Variants in DENND4C observed in about 807,000 individuals in gnomAD.
DENND4C encodes DENN domain containing 4C.
Under a neutral mutation model 203.0 loss-of-function variants are expected in DENND4C, and 108 were observed. The ratio of observed to expected loss-of-function variants is 0.53; its 90% CI spans 0.46 to 0.62. The LOEUF is 0.62. DENND4C is among the 20% of genes least tolerant of loss of function. The pLI, the probability that DENND4C is intolerant of heterozygous loss-of-function variation, is 0.00. For missense variants in DENND4C, 2,481 were observed against 2,301.2 expected, an observed-to-expected ratio of 1.08 and a Z score of -1.60; for synonymous variants, 871 against 792.4, an observed-to-expected ratio of 1.10 and a Z score of -1.67.
At chr9:19,291,031 A>G (rs995815982) in intron 5 of DENND4C, among the ~76,000 whole-genome samples, 155 bp downstream of exon 5, 1 of 152,178 alleles carries the variant, frequency 6.6e-6, no homozygotes, top group Non-Finnish European at 1.5e-5. Flanking sequence ...AATCAACATG[A>G]AAATTGCTAT....
In DENND4C at chr9:19,277,415, T is replaced by C. The variant is rs1008641624; in HGVS notation, c.305+936T>C. Among the ~76,000 whole-genome samples the C allele has an allele frequency of 3.9e-5, 6 of 152,310 alleles. No individual in the cohort carries two copies. The East Asian group carries it at 1.2e-3, about 29-fold the overall frequency. ...CTGATTAATTTTATTTCTAGGTATT[T>C]TATTCTTTTGGATTCTATTATAAAT... is the stretch of plus-strand genomic sequence containing the variant. On this transcript the variant is annotated intron_variant, in intron 2 of 32. Coordinates refer to ENST00000434457, the MANE Select transcript of DENND4C (RefSeq NM_001330640.2).
chr9:19,263,221 GA>G (rs1335035601), intron 1 of DENND4C, among the ~76,000 whole-genome samples: 1 of 152,090 alleles, frequency 6.6e-6, no homozygotes, highest in Non-Finnish European at 1.5e-5. Flanking sequence ...TTATTCTGTT[GA>G]TAGGCTGTAT....
At chr9:19,298,877 C>T (rs775732556) in intron 7 of DENND4C, among the ~76,000 whole-genome samples, 2 of 152,102 alleles carry the variant, frequency 1.3e-5, no homozygotes, top group African/African-American at 2.4e-5. Flanking sequence ...CAAGTATTTA[C>T]GTGCCAAGCA....
intron 1 of DENND4C, among the ~76,000 whole-genome samples, chr9:19,262,076 C>CTTTTTTT (rs60223074): frequency 9.0e-5 from 5 of 55,526 alleles, no homozygotes; most frequent in Admixed American, 3.0e-4. Context: ...TTTATTAGTT[C>CTTTTTTT]TTTTTTTTTT....
intron 12 of DENND4C, among the ~76,000 whole-genome samples, chr9:19,322,519 T>C (rs1843045303): frequency 6.6e-6 from 1 of 151,716 alleles, no homozygotes. Context: ...CCCCGCACTT[T>C]CGGAGGCCGA....
chr9:19,340,968 G>GT (rs1821492810), intron 20 of DENND4C, 24 bp from the exon 21 acceptor site: 1 of 1,566,530 alleles, frequency 6.4e-7, no homozygotes, highest in South Asian at 1.2e-5. Context: ...ACATTTATAT[G>GT]TAAGTCTGCA....
chr9:19,288,377 C>G (rs531268740), intron 3 of DENND4C, among the ~76,000 whole-genome samples: 1 of 152,160 alleles, frequency 6.6e-6, no homozygotes, highest in Non-Finnish European at 1.5e-5. Flanking sequence ...TTTGAAATGG[C>G]CTTCATATCA....
intron 22 of DENND4C, among the ~76,000 whole-genome samples, chr9:19,345,509 A>G (rs544595311): frequency 3.9e-5 from 6 of 152,266 alleles, no homozygotes; most frequent in Admixed American, 2.0e-4. Flanking sequence ...TGAGTATAGC[A>G]AATATACAAT....
At chr9:19,349,695 GTAA>G (rs1193903100) in intron 23 of DENND4C, among the ~76,000 whole-genome samples, 1 of 152,192 alleles carries the variant, frequency 6.6e-6, no homozygotes, top group Non-Finnish European at 1.5e-5. Flanking sequence ...ATTTACCAAT[GTAA>G]TTTATATAAG....
Position 19,328,125 on chromosome 9 carries a change from CAA to C in DENND4C, c.2218_2219del (p.Lys740GlufsTer7), listed in dbSNP as rs755600348. 2 of 1,613,242 alleles carry C rather than the reference CAA, an allele frequency of 1.2e-6. No individual in the cohort carries two copies. The highest frequency in any genetic ancestry group is 2.7e-5 in the African/African-American group (2 of 74,840). On this transcript the variant is annotated frameshift_variant, in exon 16 of 33. Coordinates refer to ENST00000434457, the MANE Select transcript of DENND4C (RefSeq NM_001330640.2). LOFTEE classifies it high-confidence loss of function. ...AGACACCCTACTGGGAATAGCATTACAAAGAGTCCACCTCTCATGGCTAAGAG... is the reference window on the plus strand; with the variant it reads ...AGACACCCTACTGGGAATAGCATTACAGAGTCCACCTCTCATGGCTAAGAG...
In DENND4C at chr9:19,320,224, A is replaced by T. The variant is rs530624751; in HGVS notation, c.1807+3385A>T. On this transcript the variant is annotated intron_variant, in intron 12 of 32. Transcript: ENST00000434457. The stretch of plus-strand genomic sequence containing the variant: ...CATCTTTTTTTTTTTTTAAAGACAG[A>T]GTCTTTGCTGTGTTGCCCAGGTGGA... Among the ~76,000 whole-genome samples, 21 of 150,846 alleles carry T rather than the reference A, an allele frequency of 1.4e-4. No homozygotes were observed. In the East Asian group the frequency reaches 3.7e-3, roughly 27 times the overall value.
At chr9:19,343,761 T>C (rs916353971) in intron 22 of DENND4C, among the ~76,000 whole-genome samples, 1 of 152,212 alleles carries the variant, frequency 6.6e-6, no homozygotes, top group African/African-American at 2.4e-5. Flanking sequence ...CCTCTCAAAA[T>C]ATTGAACTGG....
Position 19,286,772 on chromosome 9 carries a change from T to C in DENND4C, c.309T>C (p.Val103=). The stretch of plus-strand genomic sequence containing the variant: ...TCTTCCCCTTCCTGCCATGCAGAGT[T>C]CTATATGAAGGGAAAGAACGGCTTA... ...RDKPPLTDIG[V]LYEGKERLIP... Residue 103 remains valine, a synonymous_variant, in exon 3 of 33, where the codon GTT becomes GTC. Coordinates refer to ENST00000434457, the MANE Select transcript of DENND4C (RefSeq NM_001330640.2). 8.1e-7 allele frequency: 1 copy of C among 1,232,124 alleles called. No homozygotes were observed. The highest frequency in any genetic ancestry group is 4.1e-5 in the South Asian group (1 of 24,318). 76.3% of individuals were successfully genotyped at this position (1,232,124 alleles called of 1,614,324 possible). A position where few individuals can be genotyped will look rare whatever the true frequency, so the allele number is the denominator to read the frequency against.
chr9:19,363,639 A>G (rs2068146800), intron 30 of DENND4C, among the ~76,000 whole-genome samples: 1 of 152,188 alleles, frequency 6.6e-6, no homozygotes, highest in Non-Finnish European at 1.5e-5. Context: ...GGGTGACACA[A>G]TTCAGTCTGT....
At chr9:19,291,129 G>C (rs1836209395) in intron 5 of DENND4C, among the ~76,000 whole-genome samples, 3 of 152,252 alleles carry the variant, frequency 2.0e-5, no homozygotes, top group South Asian at 4.1e-4. Flanking sequence ...GTCAAGATGA[G>C]ATGATTATGA....
chr9:19,234,532 T>TTG (rs1218142440), intron 1 of DENND4C, among the ~76,000 whole-genome samples: 7 of 137,114 alleles, frequency 5.1e-5, no homozygotes, highest in African/African-American at 2.1e-4. Flanking sequence ...ACCTGGCTGT[T>TTG]TTTTTTTTTT....
intron 22 of DENND4C, among the ~76,000 whole-genome samples, chr9:19,344,863 G>C (rs757536523): frequency 1.3e-5 from 2 of 152,170 alleles, no homozygotes; most frequent in Non-Finnish European, 2.9e-5. Flanking sequence ...CTAGGGGCTG[G>C]AAAGTCCAGG....
At position 19,372,338 on chromosome 9, in the gene DENND4C, A is replaced by C; in HGVS notation, c.*165A>C. 1 of 824,744 alleles carries C rather than the reference A, an allele frequency of 1.2e-6. No individual in the cohort carries two copies. The highest frequency in any genetic ancestry group is 1.8e-6 in the Non-Finnish European group (1 of 556,702). The allele number at this position is 824,744 out of a possible 1,614,324, so 51.1% of individuals were successfully genotyped here. ...ATGATTCATATTGCATTACCTTGAA[A>C]TATGAAGTGCCATTTGAATGTCCCA... is the stretch of plus-strand genomic sequence containing the variant. On this transcript the variant is annotated 3_prime_UTR_variant, in exon 33 of 33. Transcript: ENST00000434457.
chr9:19,245,639 G>A (rs1272489645), intron 1 of DENND4C, among the ~76,000 whole-genome samples: 4 of 152,018 alleles, frequency 2.6e-5, no homozygotes, highest in African/African-American at 9.7e-5. Context: ...GGTGGATCAC[G>A]AAGTCAGGGG....
Sources: allele counts gnomAD v4.1 joint callset (sites outside exome capture counted in the v4.1 genomes callset), GRCh38; gene constraint gnomAD v4.1.1; transcripts MANE v1.5; gene names NCBI Gene and HGNC (gene_info 2026-07-23, HGNC 2026-07-21).